Variants in P2RX3 observed in about 807,000 individuals in gnomAD.
P2RX3 encodes the protein P2X purinoceptor 3.
Under a neutral mutation model 51.5 loss-of-function variants are expected in P2RX3, and 41 were observed. That is an observed-to-expected ratio of 0.80 (90% confidence interval 0.62 to 1.03). P2RX3 has a LOEUF of 1.03. P2RX3 is among the 50% of genes least tolerant of loss of function. P2RX3 has a pLI of 0.00. For synonymous variants in P2RX3, 185 were observed against 191.6 expected (o/e 0.97, Z 0.29); for missense variants, 459 against 522.1 (o/e 0.88, Z 1.18).
Position 57,370,869 on chromosome 11 carries a change from G to A in P2RX3, c.*872G>A, listed in dbSNP as rs1856875385. Among the ~76,000 whole-genome samples, 1 of 152,204 alleles carries A rather than the reference G, an allele frequency of 6.6e-6. No homozygotes were observed. The highest frequency in any genetic ancestry group is 1.5e-5 in the Non-Finnish European group (1 of 68,036). On this transcript the variant is annotated 3_prime_UTR_variant, in exon 12 of 12. Transcript: ENST00000263314. ...CGGACCTGGGATCCTGTCGTAGGCT[G>A]GGACCCTGTTCCAGGAGTTCAGCAG... is the stretch of plus-strand genomic sequence containing the variant.
intron 6 of P2RX3, 68 bp downstream of exon 6, chr11:57,348,772 G>A: frequency 8.4e-7 from 1 of 1,189,102 alleles, no homozygotes; most frequent in Non-Finnish European, 1.2e-6. Context: ...TGTTTTCAGG[G>A]AAGTGGAGAT....
chr11:57,340,251 G>A (rs1856313863), intron 1 of P2RX3, among the ~76,000 whole-genome samples: 1 of 152,154 alleles, frequency 6.6e-6, no homozygotes. Flanking sequence ...AGATTGATGG[G>A]GGAGAGAGTG....
At position 57,348,312 on chromosome 11, in the gene P2RX3, C is replaced by T. The variant is rs1288837417; in HGVS notation, c.485+49C>T. 2.7e-6 allele frequency: 4 copies of T among 1,505,612 alleles called. No individual in the cohort carries two copies. The South Asian group carries it at 3.7e-5, about 14-fold the overall frequency. The allele number at this position is 1,505,612 out of a possible 1,614,324, so 93.3% of individuals were successfully genotyped here. On this transcript the variant is annotated intron_variant, in intron 5 of 11. Transcript: ENST00000263314. ...GGAGACAGGCCCCCACCTCAGCTCC[C>T]CTTTGCCCATGTGGGAGCCGTGCGT...
At chr11:57,369,270 G>A in intron 10 of P2RX3, 91 bp from the exon 11 acceptor site, 1 of 1,082,594 alleles carries the variant, frequency 9.2e-7, no homozygotes, top group Non-Finnish European at 1.4e-6. Context: ...AGGCAGCTTG[G>A]GGGTGCTGCC....
chr11:57,362,899 A>G (rs961679279), intron 8 of P2RX3, among the ~76,000 whole-genome samples: 1 of 152,200 alleles, frequency 6.6e-6, no homozygotes, highest in African/African-American at 2.4e-5. Flanking sequence ...TATTACTAAT[A>G]TCATTATCTA....
In P2RX3 at chr11:57,370,604, C is replaced by G. The variant is rs1856871018; in HGVS notation, c.*607C>G. ...CGGTTAATAAAGAGTAAGCCCCATG[C>G]CTTTCCCAGCAACAAAGTTTGCATT... On this transcript the variant is annotated 3_prime_UTR_variant, in exon 12 of 12. Coordinates refer to ENST00000263314, the MANE Select transcript of P2RX3 (RefSeq NM_002559.5). The G allele has an allele frequency of 6.6e-6, 1 of 152,262 alleles. No individual in the cohort carries two copies. Among genetic ancestry groups the G allele is most frequent in the South Asian group, 2.1e-4 (1 of 4,830 alleles). The allele number at this position is 152,262 out of a possible 1,614,324, so 9.4% of individuals were successfully genotyped here.
At chr11:57,341,292 A>G (rs1222689452) in intron 1 of P2RX3, among the ~76,000 whole-genome samples, 2 of 152,176 alleles carry the variant, frequency 1.3e-5, no homozygotes, top group African/African-American at 4.8e-5. Context: ...TTTTAAGGCT[A>G]TAGTGTTAAT....
intron 8 of P2RX3, among the ~76,000 whole-genome samples, chr11:57,354,748 C>A (rs962886629): frequency 1.3e-5 from 2 of 151,298 alleles, no homozygotes; most frequent in African/African-American, 2.4e-5. Flanking sequence ...TGTGTGTGTG[C>A]GTGAGTGTAT....
chr11:57,353,886 AGATTTT>A, intron 8 of P2RX3, among the ~76,000 whole-genome samples: 1 of 93,622 alleles, frequency 1.1e-5, no homozygotes, highest in South Asian at 4.0e-4. Context: ...GCAGAATCAG[AGATTTT>A]GAGAATTTAT....
intron 1 of P2RX3, among the ~76,000 whole-genome samples, chr11:57,340,897 G>A (rs560946050): frequency 5.8e-4 from 89 of 152,320 alleles, no homozygotes; most frequent in Non-Finnish European, 1.1e-3. Context: ...GCAAAGGGAA[G>A]GAGGCTGGCA....
At chr11:57,342,462 T>C (rs1198916414) in intron 1 of P2RX3, among the ~76,000 whole-genome samples, 1 of 151,978 alleles carries the variant, frequency 6.6e-6, no homozygotes, top group Non-Finnish European at 1.5e-5. Flanking sequence ...CCTGGCTGGA[T>C]GCCCCATCTG....
chr11:57,354,459 G>A (rs538644399), intron 8 of P2RX3, among the ~76,000 whole-genome samples: 1 of 152,302 alleles, frequency 6.6e-6, no homozygotes, highest in Non-Finnish European at 1.5e-5. Context: ...AAGAACTGTT[G>A]AGAGTCACCA....
At chr11:57,339,675 C>G (rs944222621) in intron 1 of P2RX3, among the ~76,000 whole-genome samples, 1 of 152,200 alleles carries the variant, frequency 6.6e-6, no homozygotes, top group African/African-American at 2.4e-5. Context: ...GCATGCGGGT[C>G]TCCAATCTTA....
intron 8 of P2RX3, among the ~76,000 whole-genome samples, chr11:57,365,085 G>T (rs564711651): frequency 6.6e-5 from 10 of 152,322 alleles, no homozygotes; most frequent in African/African-American, 2.4e-4. Context: ...CGCATAGGCA[G>T]AGACAGAAAA....
In P2RX3 at chr11:57,349,748, C is replaced by A. The variant is rs756014977; in HGVS notation, c.564-9C>A. 1 of 1,614,076 alleles carries A rather than the reference C, an allele frequency of 6.2e-7. No homozygotes were observed. Among genetic ancestry groups the A allele is most frequent in the Non-Finnish European group, 8.5e-7 (1 of 1,179,976 alleles). ...CCCTGGGCTGACCTCTCTCTCTGCT[C>A]CTCCCCAGGGGAAACCTCCTTCCCA... On this transcript the variant is annotated splice_polypyrimidine_tract_variant and intron_variant, in intron 6 of 11. Transcript: ENST00000263314.
chr11:57,361,610 A>G (rs1856720534), intron 8 of P2RX3, among the ~76,000 whole-genome samples: 1 of 152,198 alleles, frequency 6.6e-6, no homozygotes, highest in Non-Finnish European at 1.5e-5. Context: ...ATATCCCTGC[A>G]AAGATCATGA....
chr11:57,366,617 C>T (rs942621711), intron 8 of P2RX3, among the ~76,000 whole-genome samples: 2 of 152,134 alleles, frequency 1.3e-5, no homozygotes, highest in Admixed American at 1.3e-4. Flanking sequence ...TGTCCGCTTT[C>T]CGTTGCTTCT....
At chr11:57,363,126 G>T (rs1856745890) in intron 8 of P2RX3, among the ~76,000 whole-genome samples, 1 of 152,138 alleles carries the variant, frequency 6.6e-6, no homozygotes, top group South Asian at 2.1e-4. Context: ...ATTCACAACA[G>T]CCATAGCACC....
At chr11:57,366,927 C>T (rs1037724870) in intron 8 of P2RX3, among the ~76,000 whole-genome samples, 4 of 152,284 alleles carry the variant, frequency 2.6e-5, no homozygotes, top group African/African-American at 9.6e-5. Context: ...AGGGTCCAAT[C>T]GCCTCTTAAA....
Sources: gnomAD v4.1 joint callset for allele counts (sites outside exome capture counted in the v4.1 genomes callset) on GRCh38, gnomAD v4.1.1 for gene constraint, MANE v1.5 for transcripts, NCBI Gene and HGNC (gene_info 2026-07-23, HGNC 2026-07-21) for gene names.